The following CMTM8 variants were observed in gnomAD, a reference collection of about 807,000 sequenced individuals.
CMTM8 encodes CKLF-like MARVEL transmembrane domain-containing protein 8.
A neutral mutation model predicts 18.6 loss-of-function variants in CMTM8; 12 were observed. That is an observed-to-expected ratio of 0.65 (90% confidence interval 0.41 to 1.05). The LOEUF is 1.05. Among genes scored for constraint, CMTM8 ranks in the 50% least tolerant of loss-of-function variants. The probability of loss-of-function intolerance (pLI) is 0.00; values close to 1 mark genes in which losing one functional copy is unlikely to be tolerated. For synonymous variants in CMTM8, 87 were observed against 90.6 expected, an observed-to-expected ratio of 0.96 and a Z score of 0.23; for missense variants, 217 against 227.2, an observed-to-expected ratio of 0.95 and a Z score of 0.29.
chr3:32,357,625 CTG>C (rs1375948428), intron 2 of CMTM8, 79 bp downstream of exon 2: 9 of 1,401,148 alleles, frequency 6.4e-6, no homozygotes, highest in Non-Finnish European at 8.9e-6. Context: ...CAATCCAAGA[CTG>C]TCTCTCTGCC....
In CMTM8 at chr3:32,278,966, C is replaced by G. The variant is rs116166185; in HGVS notation, c.147+39847C>G. ...CAAAAAGGAGGAGCACTTACTGGCT[C>G]GTGTATCTGACAAGCTGAGCTATGT... On this transcript the variant is annotated intron_variant, in intron 1 of 3. Transcript: ENST00000307526. Among the ~76,000 whole-genome samples the G allele has an allele frequency of 9.2e-3, 1,396 of 152,172 alleles. 19 individuals carry two copies. The highest frequency in any genetic ancestry group is 0.032 in the African/African-American group (1,315 of 41,522).
At chr3:32,299,526 G>A (rs1031378843) in intron 1 of CMTM8, among the ~76,000 whole-genome samples, 36 of 152,032 alleles carry the variant, frequency 2.4e-4, no homozygotes, top group African/African-American at 8.0e-4. Flanking sequence ...ATGTACCTGG[G>A]GTACATGAGA....
At chr3:32,261,145 G>A (rs1702252041) in intron 1 of CMTM8, among the ~76,000 whole-genome samples, 3 of 148,992 alleles carry the variant, frequency 2.0e-5, no homozygotes, top group African/African-American at 5.0e-5. Flanking sequence ...TTGCCTGGGC[G>A]ACAGAGTGAG....
intron 3 of CMTM8, among the ~76,000 whole-genome samples, chr3:32,369,626 GC>G (rs1220649711): frequency 6.6e-6 from 1 of 152,134 alleles, no homozygotes; most frequent in African/African-American, 2.4e-5. Flanking sequence ...ATGCACTGCC[GC>G]CGTATTCACT....
intron 1 of CMTM8, among the ~76,000 whole-genome samples, chr3:32,294,357 G>A (rs1461313939): frequency 6.6e-6 from 1 of 152,200 alleles, no homozygotes; most frequent in African/African-American, 2.4e-5. Flanking sequence ...GCTTCCAGAT[G>A]CCTTCTTCTC....
At chr3:32,284,165 A>C (rs1248943490) in intron 1 of CMTM8, among the ~76,000 whole-genome samples, 1 of 152,250 alleles carries the variant, frequency 6.6e-6, no homozygotes, top group African/African-American at 2.4e-5. Flanking sequence ...AGGCATGAGA[A>C]TCATTTGAGC....
intron 2 of CMTM8, among the ~76,000 whole-genome samples, chr3:32,365,979 A>T (rs1207197044): frequency 6.6e-6 from 1 of 151,896 alleles, no homozygotes; most frequent in Non-Finnish European, 1.5e-5. Flanking sequence ...TCTTTTTTTA[A>T]CCTTTATGAC....
intron 1 of CMTM8, among the ~76,000 whole-genome samples, chr3:32,290,225 A>T (rs910885720): frequency 6.6e-6 from 1 of 152,264 alleles, no homozygotes; most frequent in African/African-American, 2.4e-5. Flanking sequence ...GCTTAATATA[A>T]GTCATAATAC....
chr3:32,281,782 A>G (rs547665847), intron 1 of CMTM8, among the ~76,000 whole-genome samples: 1 of 152,270 alleles, frequency 6.6e-6, no homozygotes, highest in Admixed American at 6.5e-5. Flanking sequence ...TTCAGTGCTT[A>G]TCATACTGAG....
intron 1 of CMTM8, among the ~76,000 whole-genome samples, chr3:32,249,219 A>G (rs1683991978): frequency 6.6e-6 from 1 of 151,674 alleles, no homozygotes; most frequent in African/African-American, 2.4e-5. Flanking sequence ...GCTTGAGCCC[A>G]GGAGTTCAAG....
chr3:32,306,686 G>A (rs1695723181), intron 1 of CMTM8, among the ~76,000 whole-genome samples: 1 of 152,224 alleles, frequency 6.6e-6, no homozygotes, highest in Non-Finnish European at 1.5e-5. Context: ...TATAGGAACA[G>A]CAGAAGATGA....
chr3:32,260,601 ACC>A (rs1702242536), intron 1 of CMTM8, among the ~76,000 whole-genome samples: 1 of 150,694 alleles, frequency 6.6e-6, no homozygotes, highest in Non-Finnish European at 1.5e-5. Context: ...ATGTTTTAAT[ACC>A]TGTAGTTCTA....
At chr3:32,273,942 T>C (rs1702479031) in intron 1 of CMTM8, among the ~76,000 whole-genome samples, 1 of 152,164 alleles carries the variant, frequency 6.6e-6, no homozygotes, top group African/African-American at 2.4e-5. Context: ...ATTTGATGAC[T>C]CCCAGGATTC....
intron 1 of CMTM8, among the ~76,000 whole-genome samples, chr3:32,262,794 G>C (rs1362631050): frequency 6.6e-6 from 1 of 152,192 alleles, no homozygotes; most frequent in South Asian, 2.1e-4. Flanking sequence ...TAATCAGCCG[G>C]TCCAAATATT....
intron 1 of CMTM8, among the ~76,000 whole-genome samples, chr3:32,285,370 C>A (rs1702663511): frequency 6.6e-6 from 1 of 152,014 alleles, no homozygotes; most frequent in African/African-American, 2.4e-5. Flanking sequence ...CAAAAATCAA[C>A]TGGGCGTGTT....
intron 1 of CMTM8, among the ~76,000 whole-genome samples, chr3:32,343,003 A>G (rs1696529442): frequency 6.6e-6 from 1 of 152,230 alleles, no homozygotes; most frequent in African/African-American, 2.4e-5. Flanking sequence ...GATTTTCCCC[A>G]CTAAGCAAAC....
At chr3:32,281,232 G>C (rs1702604501) in intron 1 of CMTM8, among the ~76,000 whole-genome samples, 2 of 152,198 alleles carry the variant, frequency 1.3e-5, no homozygotes, top group Non-Finnish European at 2.9e-5. Context: ...TGGCTACACT[G>C]TACCTGAAAA....
chr3:32,264,601 A>G (rs1702308189), intron 1 of CMTM8, among the ~76,000 whole-genome samples: 1 of 152,214 alleles, frequency 6.6e-6, no homozygotes, highest in African/African-American at 2.4e-5. Context: ...ACACATAACA[A>G]TATTAACCTT....
chr3:32,239,673 C>T (rs1701919960), intron 1 of CMTM8, among the ~76,000 whole-genome samples: 1 of 152,148 alleles, frequency 6.6e-6, no homozygotes, highest in African/African-American at 2.4e-5. Flanking sequence ...CTGGTTTAGG[C>T]TCAGAACATT....
Sources: allele counts gnomAD v4.1 joint callset (sites outside exome capture counted in the v4.1 genomes callset), GRCh38; gene constraint gnomAD v4.1.1; transcripts MANE v1.5; gene names NCBI Gene and HGNC (gene_info 2026-07-23, HGNC 2026-07-21).